Variants in MAML2 observed in about 807,000 individuals in gnomAD.
MAML2 encodes the protein mastermind-like protein 2.
In MAML2, 22 loss-of-function variants were observed where a neutral mutation model predicts 96.1. The observed-to-expected ratio is 0.23, with a 90% CI of 0.16 to 0.33. The LOEUF is 0.33. Ranked by LOEUF, MAML2 falls within the 10% of genes least tolerant of loss-of-function variation. MAML2 has a pLI of 1.00. For synonymous variants in MAML2, 561 were observed against 521.3 expected (o/e 1.08, Z -1.04); for missense variants, 1,367 against 1,392.4 (o/e 0.98, Z 0.29).
rs144429532 is a variant in MAML2 at position 95,982,979 on chromosome 11, T to C, written c.2455+2552A>G. 1.8e-3 allele frequency among the ~76,000 whole-genome samples: 268 copies of C among 152,326 alleles called. 2 individuals carry two copies. Among genetic ancestry groups the C allele is most frequent in the African/African-American group, 5.8e-3 (240 of 41,578 alleles). On this transcript the variant is annotated intron_variant, in intron 4 of 4. Transcript: ENST00000524717. The stretch of plus-strand genomic sequence containing the variant: ...ACATTTTTTATCTTCCTTTATCATA[T>C]ATAAAAAGCATAGTAAATGTTTTTA...
chr11:96,099,842 G>A (rs886695258), intron 1 of MAML2, among the ~76,000 whole-genome samples: 1 of 151,650 alleles, frequency 6.6e-6, no homozygotes, highest in Non-Finnish European at 1.5e-5. Context: ...GTACTGCCAT[G>A]TTGCCCAGGC....
intron 1 of MAML2, among the ~76,000 whole-genome samples, chr11:96,127,159 T>A (rs1860454640): frequency 6.6e-6 from 1 of 152,170 alleles, no homozygotes; most frequent in South Asian, 2.1e-4. Context: ...TCTCTTTATC[T>A]GTTTCAACTG....
Position 96,042,341 on chromosome 11 carries a change from C to T in MAML2, c.2139+49551G>A, listed in dbSNP as rs557625084. The stretch of plus-strand genomic sequence containing the variant: ...TTCTCCATGTTGGTGAGGCTGGTCT[C>T]GAGCTCCCGACCTCAGATGATCCAC... On this transcript the variant is annotated intron_variant, in intron 2 of 4. Coordinates refer to ENST00000524717, the MANE Select transcript of MAML2 (RefSeq NM_032427.4). Among the ~76,000 whole-genome samples the T allele has an allele frequency of 1.4e-4, 21 of 152,176 alleles. No homozygotes were observed. The South Asian group carries it at 3.9e-3, about 29-fold the overall frequency.
chr11:96,252,679 C>T (rs537063625), intron 1 of MAML2, among the ~76,000 whole-genome samples: 1 of 152,112 alleles, frequency 6.6e-6, no homozygotes, highest in Non-Finnish European at 1.5e-5. Context: ...GAGGCAGACA[C>T]TAACATCACT....
intron 2 of MAML2, among the ~76,000 whole-genome samples, chr11:96,034,824 G>T (rs922067942): frequency 3.9e-5 from 6 of 152,206 alleles, no homozygotes; most frequent in Middle Eastern, 3.4e-3. Context: ...TGGCATTTTT[G>T]GGGGTCAGAG....
chr11:96,038,248 T>C (rs1858750426), intron 2 of MAML2, among the ~76,000 whole-genome samples: 1 of 152,192 alleles, frequency 6.6e-6, no homozygotes, highest in Non-Finnish European at 1.5e-5. Flanking sequence ...TTTGTTTGCT[T>C]GTTTGTTTTA....
At chr11:96,124,756 G>A (rs552103024) in intron 1 of MAML2, among the ~76,000 whole-genome samples, 2 of 152,174 alleles carry the variant, frequency 1.3e-5, no homozygotes, top group Non-Finnish European at 2.9e-5. Context: ...CCTCGTGAAA[G>A]GGCATGAGAG....
intron 2 of MAML2, among the ~76,000 whole-genome samples, chr11:96,012,727 A>G (rs1312786759): frequency 6.6e-6 from 1 of 152,230 alleles, no homozygotes; most frequent in Non-Finnish European, 1.5e-5. Context: ...CAACACAATG[A>G]TAAGTTGCTA....
At chr11:96,029,889 A>G (rs753247657) in intron 2 of MAML2, among the ~76,000 whole-genome samples, 1 of 152,192 alleles carries the variant, frequency 6.6e-6, no homozygotes, top group Non-Finnish European at 1.5e-5. Context: ...CCAGACCACA[A>G]AATATTTCTG....
intron 2 of MAML2, among the ~76,000 whole-genome samples, chr11:96,070,234 G>A (rs920442926): frequency 7.2e-5 from 11 of 152,036 alleles, no homozygotes; most frequent in Admixed American, 6.5e-4. Context: ...AGCTTGCAGT[G>A]AGCTGAGATG....
intron 1 of MAML2, among the ~76,000 whole-genome samples, chr11:96,234,447 C>T (rs1229841501): frequency 6.6e-6 from 1 of 152,204 alleles, no homozygotes; most frequent in Non-Finnish European, 1.5e-5. Flanking sequence ...CGCCATTGCA[C>T]TCCAGCCTGG....
At chr11:96,122,540 G>A (rs1218422658) in intron 1 of MAML2, among the ~76,000 whole-genome samples, 4 of 151,758 alleles carry the variant, frequency 2.6e-5, no homozygotes, top group Non-Finnish European at 5.9e-5. Flanking sequence ...GCACGTGCAC[G>A]TGCATGTTTG....
chr11:96,342,619 C>T lies in MAML2; in HGVS notation c.-724G>A, dbSNP rs1864014630. Reference sequence around the variant, plus strand: ...GGTACTGTAGGATGTTGTCTTCTCCCAAAAGAGGGAGACAGCTTTTCAACT... The same window carrying T: ...GGTACTGTAGGATGTTGTCTTCTCCTAAAAGAGGGAGACAGCTTTTCAACT... On this transcript the variant is annotated 5_prime_UTR_variant, in exon 1 of 5. Transcript: ENST00000524717. The T allele has an allele frequency of 2.6e-6, 1 of 391,334 alleles. No homozygotes were observed. Among genetic ancestry groups the T allele is most frequent in the African/African-American group, 2.1e-5 (1 of 48,488 alleles). 24.2% of individuals were successfully genotyped at this position (391,334 alleles called of 1,614,324 possible).
Position 96,342,310 on chromosome 11 carries a change from G to T in MAML2, c.-415C>A, listed in dbSNP as rs1213278388. Reference sequence around the variant, plus strand: ...CAAGAGACAGAAACACACAGCAAAAGGTATTGAGAGAGGTATTAATAGAGA... The same window carrying T: ...CAAGAGACAGAAACACACAGCAAAATGTATTGAGAGAGGTATTAATAGAGA... On this transcript the variant is annotated 5_prime_UTR_variant, in exon 1 of 5. Coordinates refer to ENST00000524717, the MANE Select transcript of MAML2 (RefSeq NM_032427.4). 3 of 421,104 alleles carry T rather than the reference G, an allele frequency of 7.1e-6. No homozygotes were observed. The highest frequency in any genetic ancestry group is 1.3e-5 in the Non-Finnish European group (3 of 238,436). The allele number at this position is 421,104 out of a possible 1,614,324, so 26.1% of individuals were successfully genotyped here.
chr11:96,161,772 C>T (rs1861107062), intron 1 of MAML2, among the ~76,000 whole-genome samples: 1 of 152,220 alleles, frequency 6.6e-6, no homozygotes, highest in Non-Finnish European at 1.5e-5. Flanking sequence ...GAACTTTCCA[C>T]ATTTTACCTT....
chr11:96,302,454 G>GTCAATCAAGGTGCCCTCTTGCCCTGGTC (rs1565278138), intron 1 of MAML2, among the ~76,000 whole-genome samples: 4 of 152,170 alleles, frequency 2.6e-5, no homozygotes, highest in Non-Finnish European at 5.9e-5. Context: ...GGGTGGGGCT[G>GTCAATCAAGGTGCCCTCTTGCCCTGGTC]TCAATCAAGG....
chr11:96,058,863 CTTATT>C (rs1345368872), intron 2 of MAML2, among the ~76,000 whole-genome samples: 1 of 152,162 alleles, frequency 6.6e-6, no homozygotes, highest in Non-Finnish European at 1.5e-5. Flanking sequence ...GTGCTACTAT[CTTATT>C]TTAAAGGAGG....
chr11:96,136,497 C>T (rs1409912008), intron 1 of MAML2, among the ~76,000 whole-genome samples: 1 of 152,112 alleles, frequency 6.6e-6, no homozygotes, highest in East Asian at 1.9e-4. Flanking sequence ...TCCCCCACCC[C>T]CCAAACTACA....
At chr11:96,127,806 C>T (rs1450697769) in intron 1 of MAML2, among the ~76,000 whole-genome samples, 1 of 152,200 alleles carries the variant, frequency 6.6e-6, no homozygotes, top group East Asian at 1.9e-4. Context: ...CCTAAACTTC[C>T]TTTCTTGGTC....
Sources: allele counts gnomAD v4.1 joint callset (sites outside exome capture counted in the v4.1 genomes callset), GRCh38; gene constraint gnomAD v4.1.1; transcripts MANE v1.5; gene names NCBI Gene and HGNC (gene_info 2026-07-23, HGNC 2026-07-21).